The following FBXO4 variants were observed in gnomAD, a reference collection of about 807,000 sequenced individuals.
FBXO4 encodes F-box protein 4, also known as F-box only protein 4.
Under a neutral mutation model 43.7 loss-of-function variants are expected in FBXO4, and 36 were observed. That is an observed-to-expected ratio of 0.82 (90% CI 0.63 to 1.09). FBXO4 has a LOEUF of 1.09. Ranked by LOEUF, FBXO4 falls within the 50% of genes least tolerant of loss-of-function variation. The pLI is 0.00. For synonymous variants in FBXO4, 180 were observed against 165.6 expected (o/e 1.09, Z -0.67); for missense variants, 435 against 474.1 (o/e 0.92, Z 0.77).
chr5:42,011,434 C>T, the FBXO4 span, among the ~76,000 whole-genome samples: 103 of 152,272 alleles, frequency 6.8e-4, no homozygotes, highest in African/African-American at 2.1e-3. Context: ...GCTGCTCATC[C>T]GGGACTTTCC....
At chr5:41,994,063 G>C in the FBXO4 span, among the ~76,000 whole-genome samples, 1 of 152,048 alleles carries the variant, frequency 6.6e-6, no homozygotes, top group Non-Finnish European at 1.5e-5. Flanking sequence ...TCCACTCCTA[G>C]ACAACTTGAA....
At chr5:42,000,789 C>T in the FBXO4 span, among the ~76,000 whole-genome samples, 1 of 152,144 alleles carries the variant, frequency 6.6e-6, no homozygotes, top group Non-Finnish European at 1.5e-5. Flanking sequence ...CATTCTTCTG[C>T]ATGTGGATAT....
intron 3 of FBXO4, 199 bp downstream of exon 3, chr5:41,930,116 T>A (rs1039382890): frequency 3.5e-5 from 19 of 542,230 alleles, no homozygotes; most frequent in Non-Finnish European, 9.7e-6. Flanking sequence ...ATTCCTCAAA[T>A]TTGTACAATC....
At chr5:41,999,625 T>C in the FBXO4 span, among the ~76,000 whole-genome samples, 22 of 148,074 alleles carry the variant, frequency 1.5e-4, 1 homozygote, top group African/African-American at 5.0e-4. Context: ...CACAATAGGC[T>C]GTCTGCAAGC....
At chr5:41,954,927 G>A in the FBXO4 span, among the ~76,000 whole-genome samples, 1 of 152,158 alleles carries the variant, frequency 6.6e-6, no homozygotes, top group African/African-American at 2.4e-5. Context: ...AGCAGGTAAG[G>A]CTTTGGTACT....
At chr5:41,987,007 A>C in the FBXO4 span, among the ~76,000 whole-genome samples, 4 of 152,178 alleles carry the variant, frequency 2.6e-5, no homozygotes, top group African/African-American at 9.6e-5. Flanking sequence ...TTAATGCCTG[A>C]GTTCAGATTC....
At chr5:42,031,159 G>T in the FBXO4 span, among the ~76,000 whole-genome samples, 2 of 152,036 alleles carry the variant, frequency 1.3e-5, no homozygotes, top group African/African-American at 4.8e-5. Context: ...ACATGCACAT[G>T]TATGTTTATA....
chr5:41,969,125 A>C, the FBXO4 span, among the ~76,000 whole-genome samples: 1 of 152,198 alleles, frequency 6.6e-6, no homozygotes, highest in Non-Finnish European at 1.5e-5. Flanking sequence ...ATTTGTTGAC[A>C]TACGGTCAGA....
chr5:42,025,022 A>C, the FBXO4 span, among the ~76,000 whole-genome samples: 1 of 151,976 alleles, frequency 6.6e-6, no homozygotes, highest in African/African-American at 2.4e-5. Context: ...GGGAGTGCAG[A>C]TATCTCTTCA....
chr5:41,970,301 A>T, the FBXO4 span, among the ~76,000 whole-genome samples: 1 of 152,194 alleles, frequency 6.6e-6, no homozygotes, highest in East Asian at 1.9e-4. Flanking sequence ...TGGCTAGATA[A>T]TGGCAGATTG....
chr5:41,941,265 C>T lies in FBXO4; in HGVS notation c.1148C>T (p.Ser383Phe), dbSNP rs1430666453. 1 of 1,613,370 alleles carries T rather than the reference C, an allele frequency of 6.2e-7. No individual in the cohort carries two copies. The highest frequency in any genetic ancestry group is 8.5e-7 in the Non-Finnish European group (1 of 1,179,560). The change falls in exon 7 of 7, where the codon TCT (serine) becomes TTT (phenylalanine). Residue 383 changes from serine (S) to phenylalanine (F), a missense_variant. Coordinates refer to ENST00000281623, the MANE Select transcript of FBXO4 (RefSeq NM_012176.3). ...GIEWILEEVE[S>F]KRAR ...GAGTGGATTCTTGAAGAAGTGGAAT[C>T]TAAGCGTGCAAGATGATTCTCTTTT...
the FBXO4 span, among the ~76,000 whole-genome samples, chr5:42,030,286 C>T: frequency 6.6e-6 from 1 of 151,930 alleles, no homozygotes; most frequent in Non-Finnish European, 1.5e-5. Flanking sequence ...AGAACAGAGC[C>T]CTCAGAAATA....
chr5:41,989,094 G>GA, the FBXO4 span, among the ~76,000 whole-genome samples: 5 of 151,764 alleles, frequency 3.3e-5, no homozygotes, highest in Non-Finnish European at 7.4e-5. Flanking sequence ...CAATATTTAA[G>GA]AAAAAAACGG....
intron 2 of FBXO4, among the ~76,000 whole-genome samples, chr5:41,927,792 T>A (rs1751554411): frequency 6.6e-6 from 1 of 152,186 alleles, no homozygotes; most frequent in Admixed American, 6.5e-5. Context: ...CAAGAAGGTG[T>A]TATCTTTGTA....
the FBXO4 span, among the ~76,000 whole-genome samples, chr5:41,989,506 G>A: frequency 6.6e-6 from 1 of 152,020 alleles, no homozygotes; most frequent in Non-Finnish European, 1.5e-5. Flanking sequence ...CTGTAATTTA[G>A]GTAATTTACT....
chr5:42,031,116 C>T, the FBXO4 span, among the ~76,000 whole-genome samples: 2 of 152,182 alleles, frequency 1.3e-5, no homozygotes, highest in East Asian at 1.9e-4. Flanking sequence ...GGGTAGATAC[C>T]GAAAGGATTA....
the FBXO4 span, among the ~76,000 whole-genome samples, chr5:41,999,659 T>G: frequency 6.7e-6 from 1 of 150,010 alleles, no homozygotes; most frequent in Non-Finnish European, 1.5e-5. Flanking sequence ...GGAGCCAGTC[T>G]GAGTTCCAAA....
At chr5:41,999,442 T>C in the FBXO4 span, among the ~76,000 whole-genome samples, 1 of 117,244 alleles carries the variant, frequency 8.5e-6, no homozygotes, top group Non-Finnish European at 1.7e-5. Context: ...AAAATATATA[T>C]GTGAGTGTGT....
downstream of FBXO4, among the ~76,000 whole-genome samples, chr5:41,946,448 A>G (rs559244941): frequency 1.3e-5 from 2 of 152,358 alleles, no homozygotes; most frequent in Admixed American, 6.5e-5. Flanking sequence ...AATAATATGC[A>G]TCAGCAGAAA....
Sources: gnomAD v4.1 joint callset for allele counts (sites outside exome capture counted in the v4.1 genomes callset) on GRCh38, gnomAD v4.1.1 for gene constraint, MANE v1.5 for transcripts, NCBI Gene and HGNC (gene_info 2026-07-23, HGNC 2026-07-21) for gene names.